BIRC6: variants seen among roughly 807,000 people sequenced by gnomAD.
BIRC6 encodes the protein baculoviral IAP repeat containing 6, also known as dual E2 ubiquitin-conjugating enzyme/E3 ubiquitin-protein ligase BIRC6.
In BIRC6, 98 loss-of-function variants were observed where a neutral mutation model predicts 503.3. That is an observed-to-expected ratio of 0.19 (90% CI 0.17 to 0.23). BIRC6 has a LOEUF of 0.23. Among genes scored for constraint, BIRC6 ranks in the 10% least tolerant of loss-of-function variants. The pLI is 1.00. For synonymous variants in BIRC6, 2,240 were observed against 2,078.7 expected (o/e 1.08, Z -2.11); for missense variants, 5,360 against 5,806.0 (o/e 0.92, Z 2.50).
At chr2:32,520,749 G>GGAGGTTACGGTGAGCC (rs1255977173) in intron 57 of BIRC6, among the ~76,000 whole-genome samples, 1 of 152,178 alleles carries the variant, frequency 6.6e-6, no homozygotes, top group Non-Finnish European at 1.5e-5. Flanking sequence ...CCCTAGAGGT[G>GGAGGTTACGGTGAGCC]GAGGTTACGG....
chr2:32,404,111 G>A (rs1034348582), intron 8 of BIRC6, among the ~76,000 whole-genome samples: 6 of 151,900 alleles, frequency 3.9e-5, no homozygotes, highest in East Asian at 1.9e-4. Context: ...TGTATTTTTA[G>A]TAGAGAAAGG....
chr2:32,537,872 A>G (rs1410782259), intron 61 of BIRC6, among the ~76,000 whole-genome samples: 3 of 152,060 alleles, frequency 2.0e-5, no homozygotes, highest in Admixed American at 1.3e-4. Context: ...AGGCTGAGGC[A>G]GGAGAATGGC....
At chr2:32,520,501 A>G (rs914753199) in intron 57 of BIRC6, among the ~76,000 whole-genome samples, 1 of 152,172 alleles carries the variant, frequency 6.6e-6, no homozygotes, top group South Asian at 2.1e-4. Context: ...ATTCTACATG[A>G]TGAAGAAAAA....
At chr2:32,602,821 C>T in intron 70 of BIRC6, 185 bp from the exon 71 acceptor site, 1 of 462,692 alleles carries the variant, frequency 2.2e-6, no homozygotes, top group Non-Finnish European at 3.8e-6. Context: ...TATAATGCCT[C>T]ACAAATTTGA....
intron 3 of BIRC6, 34 bp from the exon 4 acceptor site, chr2:32,388,716 A>G (rs758983647): frequency 1.1e-5 from 16 of 1,455,546 alleles, no homozygotes; most frequent in Middle Eastern, 3.7e-4. Flanking sequence ...TGTTGAGTAC[A>G]TTTTCCTTTG....
At chr2:32,574,366 C>A (rs2060121099) in intron 65 of BIRC6, among the ~76,000 whole-genome samples, 1 of 151,994 alleles carries the variant, frequency 6.6e-6, no homozygotes, top group Admixed American at 6.6e-5. Context: ...GATCCTCCCA[C>A]CTTGGCCTCC....
chr2:32,568,165 A>G (rs781549116), intron 65 of BIRC6, among the ~76,000 whole-genome samples: 5 of 151,752 alleles, frequency 3.3e-5, no homozygotes, highest in Non-Finnish European at 4.4e-5. Flanking sequence ...AAGAAACTAT[A>G]GCCTTAAAAG....
intron 10 of BIRC6, among the ~76,000 whole-genome samples, chr2:32,421,804 T>G (rs76676787): frequency 6.6e-6 from 1 of 152,214 alleles, no homozygotes; most frequent in African/African-American, 2.4e-5. Context: ...GAATTTGTGT[T>G]GGGCACCCAT....
intron 15 of BIRC6, among the ~76,000 whole-genome samples, chr2:32,438,381 G>A (rs1211800864): frequency 6.6e-6 from 1 of 152,080 alleles, no homozygotes; most frequent in Non-Finnish European, 1.5e-5. Context: ...TAAGTAGAGT[G>A]ATAGCATTTA....
intron 45 of BIRC6, among the ~76,000 whole-genome samples, chr2:32,495,660 TTACCCTCCTCACACAAAGTCTTAAA>T (rs376189038): frequency 9.8e-5 from 15 of 152,294 alleles, no homozygotes; most frequent in African/African-American, 2.9e-4. Context: ...TTTGTTGTTG[TTACCCTCCTCACACAAAGTCTTAAA>T]TACCCTCCTC....
intron 10 of BIRC6, among the ~76,000 whole-genome samples, chr2:32,424,348 A>G (rs1056551076): frequency 6.6e-6 from 1 of 152,064 alleles, no homozygotes; most frequent in Non-Finnish European, 1.5e-5. Flanking sequence ...TGACTACTGT[A>G]AGGGGTGACT....
In BIRC6 at chr2:32,599,759, G is replaced by C. The variant is rs144649481; in HGVS notation, c.13851G>C (p.Ala4617=). The change falls in exon 70 of 74, where the codon GCG becomes GCC. Residue 4617 remains alanine (A), a synonymous_variant. Coordinates refer to ENST00000421745, the MANE Select transcript of BIRC6 (RefSeq NM_016252.4). ...TCCAGGTTCTAATAACTGGTCCAGC[G>C]GACACCCCTTATGCAAATGGCTGCT... is the stretch of plus-strand genomic sequence containing the variant. ...DIMKVLITGP[A]DTPYANGCFE... is the part of the protein sequence containing the mutation. 6.2e-7 allele frequency: 1 copy of C among 1,613,538 alleles called. No homozygotes were observed. The highest frequency in any genetic ancestry group is 1.7e-5 in the Admixed American group (1 of 59,990).
chr2:32,533,492 A>G (rs762492764), intron 61 of BIRC6, among the ~76,000 whole-genome samples: 11 of 152,270 alleles, frequency 7.2e-5, no homozygotes, highest in Non-Finnish European at 1.5e-4. Context: ...TTACCTATCC[A>G]GATCACAGAA....
chr2:32,476,070 A>G, intron 33 of BIRC6, 143 bp from the exon 34 acceptor site: 2 of 599,656 alleles, frequency 3.3e-6, no homozygotes, highest in South Asian at 5.7e-5. Flanking sequence ...TTTTTAAAAA[A>G]TTATCATCAC....
At chr2:32,497,424 G>A (rs1280872268) in intron 45 of BIRC6, among the ~76,000 whole-genome samples, 1 of 152,216 alleles carries the variant, frequency 6.6e-6, no homozygotes, top group Non-Finnish European at 1.5e-5. Flanking sequence ...TATTCTGAAA[G>A]AGGTTGTGTA....
At chr2:32,400,336 CT>C (rs746431747) in intron 6 of BIRC6, among the ~76,000 whole-genome samples, 1,243 of 118,306 alleles carry the variant, frequency 0.011, 5 homozygotes, top group African/African-American at 0.034. Context: ...GCTTTCAGAT[CT>C]TTTTTTTTTT....
At chr2:32,615,090 G>A (rs758221717) in intron 73 of BIRC6, among the ~76,000 whole-genome samples, 1 of 152,172 alleles carries the variant, frequency 6.6e-6, no homozygotes, top group Non-Finnish European at 1.5e-5. Flanking sequence ...AGGCGTAGGG[G>A]TGTGGGAGGT....
chr2:32,437,756 G>T (rs1324254964), intron 15 of BIRC6, among the ~76,000 whole-genome samples: 1 of 152,104 alleles, frequency 6.6e-6, no homozygotes, highest in African/African-American at 2.4e-5. Context: ...TGGATTTTCA[G>T]ATTAGGGATA....
At chr2:32,460,272 A>ATATATAT (rs1278940587) in intron 23 of BIRC6, among the ~76,000 whole-genome samples, 7 of 18,822 alleles carry the variant, frequency 3.7e-4, no homozygotes, top group East Asian at 2.3e-3. Context: ...ATATATATAT[A>ATATATAT]TTTTTTTTTT....
Sources: gnomAD v4.1 joint callset for allele counts (sites outside exome capture counted in the v4.1 genomes callset) on GRCh38, gnomAD v4.1.1 for gene constraint, MANE v1.5 for transcripts, NCBI Gene and HGNC (gene_info 2026-07-23, HGNC 2026-07-21) for gene names.